The following PLBD1 variants were observed in gnomAD, a reference collection of about 807,000 sequenced individuals.
PLBD1 encodes lysosomal leucine aminopeptidase.
In PLBD1, 60 loss-of-function variants were observed where a neutral mutation model predicts 63.0. The observed-to-expected ratio is 0.95, with a 90% CI of 0.77 to 1.18. The LOEUF (loss-of-function observed/expected upper bound fraction) is 1.18, where lower values mean the gene tolerates loss of function less well. Among genes scored for constraint, PLBD1 ranks in the 50% most tolerant of loss-of-function variants. The pLI, the probability that PLBD1 is intolerant of heterozygous loss-of-function variation, is 0.00. For missense variants in PLBD1, 598 were observed against 677.9 expected (o/e 0.88, Z 1.31); for synonymous variants, 262 against 248.0 (o/e 1.06, Z -0.53).
intron 6 of PLBD1, among the ~76,000 whole-genome samples, chr12:14,514,741 A>ATT (rs1459261321): frequency 2.2e-5 from 3 of 138,678 alleles, no homozygotes; most frequent in Non-Finnish European, 3.3e-5. Flanking sequence ...AATCTTTTTA[A>ATT]ATTTTTTTTT....
At chr12:14,540,053 T>TATATACACACACAC (rs1555147116) in intron 4 of PLBD1, among the ~76,000 whole-genome samples, 2 of 87,352 alleles carry the variant, frequency 2.3e-5, no homozygotes, top group African/African-American at 4.7e-5. Flanking sequence ...TATATATATA[T>TATATACACACACAC]ACACACACAC....
In PLBD1 at chr12:14,543,697, C is replaced by A. The variant is rs150540540; in HGVS notation, c.336-1406G>T. The stretch of plus-strand genomic sequence containing the variant: ...CCAAGATCATGCCATTGCATTCCAG[C>A]CTGGGCAACAGAGCAAGACTCCATC... On this transcript the variant is annotated intron_variant, in intron 2 of 10. Coordinates refer to ENST00000240617, the MANE Select transcript of PLBD1 (RefSeq NM_024829.6). 5.3e-3 allele frequency among the ~76,000 whole-genome samples: 813 copies of A among 152,144 alleles called. 9 individuals carry two copies. Among genetic ancestry groups the A allele is most frequent in the Middle Eastern group, 0.01 (3 of 294 alleles).
rs1302436452 is a variant in PLBD1, at chr12:14,519,659, A to C, written c.845-7948T>G. 2.0e-5 allele frequency among the ~76,000 whole-genome samples: 3 copies of C among 151,716 alleles called. No homozygotes were observed. The East Asian group carries it at 5.8e-4, about 29-fold the overall frequency. ...AAAAGGAGGAAGTGATGCCAGGTAT[A>C]GCCCACACAGAGAAAAGGCCATGTG... On this transcript the variant is annotated intron_variant, in intron 6 of 10. Coordinates refer to ENST00000240617, the MANE Select transcript of PLBD1 (RefSeq NM_024829.6).
chr12:14,511,462 A>T (rs1047687275), intron 7 of PLBD1, 49 bp downstream of exon 7: 2 of 1,613,768 alleles, frequency 1.2e-6, no homozygotes, highest in African/African-American at 2.7e-5. Context: ...AACAAGCCTA[A>T]ATCAAAATAT....
At chr12:14,504,648 T>C (rs953801714) in intron 10 of PLBD1, among the ~76,000 whole-genome samples, 4 of 152,170 alleles carry the variant, frequency 2.6e-5, no homozygotes, top group African/African-American at 7.2e-5. Flanking sequence ...ATGCCTAGAA[T>C]AGATGAAGTT....
At chr12:14,523,395 T>G (rs1321506626) in intron 6 of PLBD1, among the ~76,000 whole-genome samples, 1 of 152,096 alleles carries the variant, frequency 6.6e-6, no homozygotes, top group Non-Finnish European at 1.5e-5. Flanking sequence ...TAAAAAAATG[T>G]CCATACTAAT....
At chr12:14,547,292 G>C (rs1266993424) in intron 2 of PLBD1, among the ~76,000 whole-genome samples, 1 of 151,798 alleles carries the variant, frequency 6.6e-6, no homozygotes, top group African/African-American at 2.4e-5. Context: ...ATGAGAAGTG[G>C]GGGCCTCAGC....
At chr12:14,542,113 T>C in intron 3 of PLBD1, 95 bp downstream of exon 3, 5 of 989,688 alleles carry the variant, frequency 5.1e-6, no homozygotes, top group Non-Finnish European at 8.0e-6. Flanking sequence ...GCTAAAGAGA[T>C]TAAAAAGAAA....
intron 2 of PLBD1, among the ~76,000 whole-genome samples, chr12:14,548,171 G>C (rs530713872): frequency 6.6e-6 from 1 of 151,952 alleles, no homozygotes; most frequent in Admixed American, 6.6e-5. Flanking sequence ...AATTTTTGAG[G>C]GTGGGCCAGG....
intron 3 of PLBD1, among the ~76,000 whole-genome samples, chr12:14,541,967 G>GTT (rs1451211737): frequency 6.6e-6 from 1 of 152,142 alleles, no homozygotes. Flanking sequence ...TCCTCTAACC[G>GTT]TGTTAGCAAT....
At chr12:14,560,270 T>C (rs1945735489) in intron 1 of PLBD1, among the ~76,000 whole-genome samples, 1 of 152,198 alleles carries the variant, frequency 6.6e-6, no homozygotes, top group Admixed American at 6.5e-5. Flanking sequence ...TTCTCTCCCA[T>C]ATTTGGATTC....
intron 4 of PLBD1, among the ~76,000 whole-genome samples, chr12:14,540,013 CATATATATAT>C (rs58124579): frequency 7.0e-4 from 16 of 22,780 alleles, no homozygotes; most frequent in African/African-American, 1.5e-3. Flanking sequence ...AAGCTATGCA[CATATATATAT>C]ATATATATAT....
chr12:14,507,117 T>C lies in PLBD1; in HGVS notation c.1188A>G (p.Gly396=). Residue 396 remains glycine (G), a splice_region_variant and synonymous_variant, in exon 9 of 11, where the codon GGA becomes GGG. Coordinates refer to ENST00000240617, the MANE Select transcript of PLBD1 (RefSeq NM_024829.6). Reference sequence around the variant, plus strand: ...AAGGAACATTGTAGGAGGGCCAATATCCTGATTTGGAATGGAAGGGAAGTA... The same window carrying C: ...AAGGAACATTGTAGGAGGGCCAATACCCTGATTTGGAATGGAAGGGAAGTA... ...YSEQTDVLRK[G]YWPSYNVPFH... is the part of the protein sequence containing the mutation. 6.3e-7 allele frequency: 1 copy of C among 1,596,504 alleles called. No individual in the cohort carries two copies. The highest frequency in any genetic ancestry group is 1.1e-5 in the South Asian group (1 of 89,618).
At chr12:14,547,178 CTTTG>C (rs1261963945) in intron 2 of PLBD1, among the ~76,000 whole-genome samples, 4 of 95,094 alleles carry the variant, frequency 4.2e-5, no homozygotes, top group Admixed American at 1.0e-4. Flanking sequence ...CTGCACCTGG[CTTTG>C]TGTGTGTGTG....
chr12:14,540,047 T>TACACAC (rs1383361315), intron 4 of PLBD1, among the ~76,000 whole-genome samples: 1 of 48,048 alleles, frequency 2.1e-5, no homozygotes, highest in East Asian at 1.2e-3. Flanking sequence ...TATATATATA[T>TACACAC]ATATATACAC....
chr12:14,553,874 G>C (rs1275090920), intron 1 of PLBD1: 1 of 173,052 alleles, frequency 5.8e-6, no homozygotes, highest in Non-Finnish European at 1.3e-5. Context: ...GAGCAGTGAG[G>C]GAGGAAGGGG....
chr12:14,515,323 T>TG (rs1945329298), intron 6 of PLBD1, among the ~76,000 whole-genome samples: 1 of 152,086 alleles, frequency 6.6e-6, no homozygotes, highest in African/African-American at 2.4e-5. Flanking sequence ...GTGGGGAAGA[T>TG]GATCAAGACA....
intron 10 of PLBD1, 64 bp from the exon 11 acceptor site, chr12:14,504,018 G>T: frequency 6.8e-7 from 1 of 1,462,526 alleles, no homozygotes; most frequent in Non-Finnish European, 9.4e-7. Context: ...TAAATCCATG[G>T]CCTTCCCCAC....
intron 2 of PLBD1, among the ~76,000 whole-genome samples, chr12:14,543,615 C>T (rs1945593000): frequency 6.6e-6 from 1 of 152,004 alleles, no homozygotes; most frequent in Admixed American, 6.6e-5. Context: ...ATCCCAGCTA[C>T]TTGGGAGGCT....
Sources: gnomAD v4.1 joint callset for allele counts (sites outside exome capture counted in the v4.1 genomes callset) on GRCh38, gnomAD v4.1.1 for gene constraint, MANE v1.5 for transcripts, NCBI Gene and HGNC (gene_info 2026-07-23, HGNC 2026-07-21) for gene names.